SPECC1L: variants seen among roughly 807,000 people sequenced by gnomAD.
SPECC1L encodes sperm antigen with calponin homology and coiled-coil domains 1 like.
In SPECC1L, 40 loss-of-function variants were observed where a neutral mutation model predicts 116.8. The observed-to-expected ratio is 0.34, with a 90% confidence interval of 0.27 to 0.45. The LOEUF (loss-of-function observed/expected upper bound fraction) is 0.45. Among genes scored for constraint, SPECC1L ranks in the 20% least tolerant of loss-of-function variants. The pLI is 1.00. For synonymous variants in SPECC1L, 504 were observed against 500.6 expected, an observed-to-expected ratio of 1.01 and a Z score of -0.09; for missense variants, 1,110 against 1,373.6, an observed-to-expected ratio of 0.81 and a Z score of 3.03.
chr22:24,327,100 A>G (rs2040835934), intron 6 of SPECC1L, among the ~76,000 whole-genome samples: 1 of 151,940 alleles, frequency 6.6e-6, no homozygotes, highest in Non-Finnish European at 1.5e-5. Context: ...CAACATGGTG[A>G]AACCCCGTCT....
rs2040884651 is a variant in SPECC1L at position 24,329,043 on chromosome 22, G to T, written c.2220+124G>T. On this transcript the variant is annotated intron_variant, in intron 7 of 16. Coordinates refer to ENST00000314328, the MANE Select transcript of SPECC1L (RefSeq NM_015330.6). ...ACAGTGATAATACTGGCCCCATTGG[G>T]CTTTGGGCAGAAAGCAAATGCTATC... 5.3e-6 allele frequency: 4 copies of T among 758,960 alleles called. No homozygotes were observed. The East Asian group carries it at 8.1e-5, about 15-fold the overall frequency. 47.0% of individuals were successfully genotyped at this position (758,960 alleles called of 1,614,324 possible). A position where few individuals can be genotyped will look rare whatever the true frequency, so the allele number is the denominator to read the frequency against.
intron 13 of SPECC1L, among the ~76,000 whole-genome samples, chr22:24,366,478 C>A (rs561722871): frequency 6.6e-6 from 1 of 152,246 alleles, no homozygotes; most frequent in East Asian, 1.9e-4. Flanking sequence ...CAGGTGTGAG[C>A]CACCGTGCCT....
chr22:24,288,210 CA>C (rs978799360), intron 2 of SPECC1L, among the ~76,000 whole-genome samples: 5 of 152,166 alleles, frequency 3.3e-5, no homozygotes, highest in Admixed American at 2.6e-4. Flanking sequence ...CCCCTTATAC[CA>C]AGGTTTCCCA....
At chr22:24,412,834 G>A in intron 16 of SPECC1L, 127 bp downstream of exon 16, 1 of 975,464 alleles carries the variant, frequency 1.0e-6, no homozygotes, top group South Asian at 1.3e-5. Context: ...CAGCTATGGG[G>A]TGCTCTGGGG....
At chr22:24,275,235 T>G (rs1253993442) in intron 1 of SPECC1L, among the ~76,000 whole-genome samples, 1 of 152,244 alleles carries the variant, frequency 6.6e-6, no homozygotes, top group East Asian at 1.9e-4. Context: ...TCTGCTGGGG[T>G]GCTGGTACAG....
intron 3 of SPECC1L, among the ~76,000 whole-genome samples, chr22:24,305,434 A>G (rs1186463661): frequency 1.3e-5 from 2 of 152,228 alleles, no homozygotes; most frequent in African/African-American, 4.8e-5. Context: ...GTCACACACT[A>G]TGTTCTTTTT....
intron 14 of SPECC1L, among the ~76,000 whole-genome samples, chr22:24,410,580 G>T (rs1315487725): frequency 2.6e-5 from 4 of 152,186 alleles, no homozygotes; most frequent in African/African-American, 9.7e-5. Context: ...CCACTAAATT[G>T]CCTCATCAAA....
chr22:24,392,920 A>T (rs558231233), intron 14 of SPECC1L, among the ~76,000 whole-genome samples: 1 of 152,348 alleles, frequency 6.6e-6, no homozygotes, highest in South Asian at 2.1e-4. Flanking sequence ...ACCTGTGGCC[A>T]GAGCACTTCT....
chr22:24,355,497 T>C (rs1271390776), intron 11 of SPECC1L, among the ~76,000 whole-genome samples: 1 of 152,000 alleles, frequency 6.6e-6, no homozygotes, highest in Non-Finnish European at 1.5e-5. Flanking sequence ...CTAACTATCT[T>C]ATTTGTCTGT....
chr22:24,304,028 T>TG (rs2049439940), intron 3 of SPECC1L, among the ~76,000 whole-genome samples: 1 of 151,670 alleles, frequency 6.6e-6, no homozygotes, highest in Non-Finnish European at 1.5e-5. Flanking sequence ...AAGAAAATAG[T>TG]GGGAAAAAAA....
At chr22:24,331,971 A>G (rs979710775) in intron 8 of SPECC1L, among the ~76,000 whole-genome samples, 3 of 152,214 alleles carry the variant, frequency 2.0e-5, no homozygotes, top group Non-Finnish European at 4.4e-5. Flanking sequence ...CTTCTGCTTT[A>G]TGTGCTATAC....
chr22:24,406,051 G>C (rs749851165), intron 14 of SPECC1L, among the ~76,000 whole-genome samples: 8 of 152,150 alleles, frequency 5.3e-5, no homozygotes, highest in Non-Finnish European at 8.8e-5. Context: ...AAAAGCTTTA[G>C]CTTTTTTCCT....
chr22:24,334,330 A>G, intron 8 of SPECC1L, 80 bp from the exon 9 acceptor site: 1 of 1,484,524 alleles, frequency 6.7e-7, no homozygotes, highest in East Asian at 2.3e-5. Flanking sequence ...GATAGTTTTT[A>G]ATGCCTTTCA....
At chr22:24,411,564 C>G in intron 14 of SPECC1L, 24 bp from the exon 15 acceptor site, 1 of 1,601,176 alleles carries the variant, frequency 6.2e-7, no homozygotes, top group Non-Finnish European at 8.6e-7. Flanking sequence ...GTGTTGGTTA[C>G]ATGTTTTTCT....
rs572584513 is a variant in SPECC1L at position 24,396,578 on chromosome 22, G to A, written c.3088-15010G>A. 4.3e-4 allele frequency among the ~76,000 whole-genome samples: 65 copies of A among 152,226 alleles called. 3 individuals carry two copies. In the South Asian group the frequency reaches 0.013, roughly 30 times the overall value. On this transcript the variant is annotated intron_variant, in intron 14 of 16. Coordinates refer to ENST00000314328, the MANE Select transcript of SPECC1L (RefSeq NM_015330.6). ...CTCCCAAAGTGCTGGAATTACAGGT[G>A]TGCCACCACCCCCAGCCTCAAAGAA...
chr22:24,345,740 A>G (rs2041278698), intron 10 of SPECC1L, among the ~76,000 whole-genome samples: 1 of 152,220 alleles, frequency 6.6e-6, no homozygotes, highest in Non-Finnish European at 1.5e-5. Flanking sequence ...AATGGCCAAA[A>G]TCTAAAAGGC....
At chr22:24,350,741 C>G (rs1290202002) in intron 11 of SPECC1L, among the ~76,000 whole-genome samples, 1 of 152,168 alleles carries the variant, frequency 6.6e-6, no homozygotes, top group Admixed American at 6.5e-5. Flanking sequence ...TAGGTGTGCC[C>G]TAGTTCTGTC....
intron 3 of SPECC1L, among the ~76,000 whole-genome samples, chr22:24,305,398 C>T (rs577826915): frequency 2.6e-5 from 4 of 152,140 alleles, no homozygotes; most frequent in African/African-American, 9.7e-5. Flanking sequence ...TGATTTTTGC[C>T]AGTTTTTGAT....
intron 11 of SPECC1L, among the ~76,000 whole-genome samples, chr22:24,360,285 A>G (rs1469151421): frequency 6.6e-6 from 1 of 152,244 alleles, no homozygotes; most frequent in Non-Finnish European, 1.5e-5. Context: ...TACTGTGACA[A>G]GTGCCTCTGG....
Sources: allele counts gnomAD v4.1 joint callset (sites outside exome capture counted in the v4.1 genomes callset), GRCh38; gene constraint gnomAD v4.1.1; transcripts MANE v1.5; gene names NCBI Gene and HGNC (gene_info 2026-07-23, HGNC 2026-07-21).